Variants in SRSF2 observed in about 807,000 individuals in gnomAD.
SRSF2 encodes serine/arginine-rich splicing factor 2.
In SRSF2, 4 loss-of-function variants were observed where a neutral mutation model predicts 15.7. That is an observed-to-expected ratio of 0.26 (90% CI 0.13 to 0.58). SRSF2 has a LOEUF of 0.58. Ranked by LOEUF, SRSF2 falls within the 20% of genes least tolerant of loss-of-function variation. The pLI is 0.90. For synonymous variants in SRSF2, 192 were observed against 138.9 expected (o/e 1.38, Z -2.69); for missense variants, 147 against 332.4 (o/e 0.44, Z 4.34).
At chr17:76,735,553 A>G (rs2143909248) in intron 2 of SRSF2, 1 of 230,792 alleles carries the variant, frequency 4.3e-6, no homozygotes, top group Non-Finnish European at 8.6e-6. Context: ...TTTCCTTTTT[A>G]AAAAATAGGA....
At chr17:76,737,387 G>C, upstream of SRSF2, 1 of 513,186 alleles carries the variant, frequency 1.9e-6, no homozygotes, top group Non-Finnish European at 3.3e-6. Context: ...AATGGCGCCC[G>C]CGCCACCCGG....
intron 1 of SRSF2, 80 bp from the exon 2 acceptor site, chr17:76,736,544 C>T (rs757305177): frequency 2.0e-6 from 3 of 1,464,618 alleles, no homozygotes; most frequent in African/African-American, 1.4e-5. Context: ...CCGCCCAGGC[C>T]GCCATTATCT....
chr17:76,736,650 C>G (rs535244752), intron 1 of SRSF2, 149 bp downstream of exon 1: 13 of 1,186,824 alleles, frequency 1.1e-5, no homozygotes, highest in African/African-American at 4.8e-5. Flanking sequence ...GGCGGAAGCT[C>G]GCGGGGTGGC....
At chr17:76,737,346 C>T (rs1031286974), upstream of SRSF2, 24 of 733,284 alleles carry the variant, frequency 3.3e-5, no homozygotes, top group South Asian at 9.2e-5. Context: ...GGGCAGCCGG[C>T]CTCTGCGCCC....
Position 76,737,131 on chromosome 17 carries a change from C to T in SRSF2, c.30G>A (p.Val10=), listed in dbSNP as rs774991189. The change falls in exon 1 of 3, where the codon GTG becomes GTA. Residue 10 remains valine (V), a synonymous_variant. Coordinates refer to ENST00000359995, the MANE Select transcript of SRSF2 (RefSeq NM_001195427.2). MSYGRPPPD[V]EGMTSLKVDN... Reference sequence around the variant, plus strand: ...CCACCTTGAGGGAGGTCATACCCTCCACATCGGGAGGGGGGCGGCCGTAGC... The same window carrying T: ...CCACCTTGAGGGAGGTCATACCCTCTACATCGGGAGGGGGGCGGCCGTAGC... The T allele has an allele frequency of 1.9e-5, 31 of 1,596,228 alleles. No individual in the cohort carries two copies. In the Admixed American group the frequency reaches 2.6e-4, roughly 13 times the overall value.
chr17:76,734,622 CA>C lies in SRSF2; in HGVS notation c.*543del, dbSNP rs1259735006. The C allele has an allele frequency of 7.4e-5, 17 of 229,330 alleles. No individual in the cohort carries two copies. 14.2% of individuals were successfully genotyped at this position (229,330 alleles called of 1,614,324 possible). A position where few individuals can be genotyped will look rare whatever the true frequency, so the allele number is the denominator to read the frequency against. On this transcript the variant is annotated 3_prime_UTR_variant, in exon 3 of 3. Transcript: ENST00000359995. ...AATTGTGTTTGATAAACAATCCTTT[CA>C]AAAAATCAAGTCTTTTCACCTGAAA...
chr17:76,737,107 C>T lies in SRSF2; in HGVS notation c.54G>A (p.Val18=), dbSNP rs1230550019. The change falls in exon 1 of 3, where the codon GTG becomes GTA. Residue 18 remains valine, a synonymous_variant. Transcript: ENST00000359995. ...PDVEGMTSLK[V]DNLTYRTSPD... Reference sequence around the variant, plus strand: ...GCGAGGTGCGGTAGGTCAGGTTGTCCACCTTGAGGGAGGTCATACCCTCCA... The same window carrying T: ...GCGAGGTGCGGTAGGTCAGGTTGTCTACCTTGAGGGAGGTCATACCCTCCA... 1 of 1,609,992 alleles carries T rather than the reference C, an allele frequency of 6.2e-7. No homozygotes were observed.
At chr17:76,736,096 C>G (rs1000409899) in intron 2 of SRSF2, 58 bp downstream of exon 2, 19 of 1,502,092 alleles carry the variant, frequency 1.3e-5, no homozygotes, top group African/African-American at 2.8e-5. Context: ...CTCAAAAAGA[C>G]CTACCCCAAA....
In SRSF2 at chr17:76,736,257, C is replaced by A. The variant is rs1255491194; in HGVS notation, c.570G>T (p.Arg190Ser). 1 of 1,614,184 alleles carries A rather than the reference C, an allele frequency of 6.2e-7. No individual in the cohort carries two copies. The highest frequency in any genetic ancestry group is 1.7e-5 in the Admixed American group (1 of 60,032). ...CCCTCTTGGACACTGGGGGAGGACT[C>A]CTGGACCGAGACCGGGACCTGGACC... Reference protein sequence around the residue: ...RSRSRSRSRSRSPPPVSKRES... With the variant: ...RSRSRSRSRSSSPPPVSKRES... Residue 190 changes from arginine to serine, a missense_variant, in exon 2 of 3, where the codon AGG (arginine) becomes AGT (serine). Around this residue, in one of 2 missense-constraint regions of SRSF2, gnomAD observed 125 missense variants for 185.1 expected, o/e 0.68. Coordinates refer to ENST00000359995, the MANE Select transcript of SRSF2 (RefSeq NM_001195427.2).
rs769436178 is a variant in SRSF2 at position 76,737,265 on chromosome 17, C to G, written c.-105G>C. On this transcript the variant is annotated 5_prime_UTR_variant, in exon 1 of 3. Coordinates refer to ENST00000359995, the MANE Select transcript of SRSF2 (RefSeq NM_001195427.2). ...GGCAGTTGCCTTCCGCGTGGGGACA[C>G]TGGGAAAGGCCTTGCCGCAGAACAG... 23 of 1,414,072 alleles carry G rather than the reference C, an allele frequency of 1.6e-5. No homozygotes were observed. The East Asian group carries it at 2.8e-4, about 17-fold the overall frequency. The allele number at this position is 1,414,072 out of a possible 1,614,324, so 87.6% of individuals were successfully genotyped here.
upstream of SRSF2, chr17:76,737,398 A>C (rs1158325120): frequency 1.9e-5 from 9 of 478,484 alleles, no homozygotes; most frequent in South Asian, 4.0e-5. Flanking sequence ...CGCCACCCGG[A>C]AATGAAACCT....
rs1334584351 is a variant in SRSF2, at chr17:76,736,310, A to T, written c.517T>A (p.Ser173Thr). The stretch of plus-strand genomic sequence containing the variant: ...GAACGAGATCTGGAGACCGACGAGG[A>T]CTTGGACTTGGACCTTCGTGCGGAT... ...SRSARRSKSK[S>T]SSVSRSRSRS... Residue 173 changes from serine (S) to threonine (T), a missense_variant, in exon 2 of 3, where the codon TCC becomes ACC. By Grantham distance (58) the Ser-to-Thr change is moderately conservative. Coordinates refer to ENST00000359995, the MANE Select transcript of SRSF2 (RefSeq NM_001195427.2). 2.5e-6 allele frequency: 4 copies of T among 1,613,812 alleles called. No homozygotes were observed. The highest frequency in any genetic ancestry group is 3.4e-6 in the Non-Finnish European group (4 of 1,179,832).
In SRSF2 at chr17:76,736,441, CGGCTGCGGCGACGCCGCCTAG is replaced by C; in HGVS notation, c.365_385del (p.Pro122_Ser128del). The C allele has an allele frequency of 6.2e-7, 1 of 1,612,746 alleles. No homozygotes were observed. Among genetic ancestry groups the C allele is most frequent in the Non-Finnish European group, 8.5e-7 (1 of 1,179,968 alleles). The stretch of plus-strand genomic sequence containing the variant: ...CCTGGAACGACTCCGACTCCGGGAT[CGGCTGCGGCGACGCCGCCTAG>C]GGCTGCGGGCGGGACGAGCAAGCAC... On this transcript the variant is annotated inframe_deletion and splice_region_variant, in exon 2 of 3. Coordinates refer to ENST00000359995, the MANE Select transcript of SRSF2 (RefSeq NM_001195427.2).
chr17:76,736,498 A>G (rs2077477326), intron 1 of SRSF2, 34 bp from the exon 2 acceptor site: 1 of 1,597,564 alleles, frequency 6.3e-7, no homozygotes, highest in South Asian at 1.1e-5. Flanking sequence ...AGCGGGGTTA[A>G]TTCCAGGCAG....
At chr17:76,736,581 G>C in intron 1 of SRSF2, 117 bp from the exon 2 acceptor site, 12 of 1,267,968 alleles carry the variant, frequency 9.5e-6, no homozygotes, top group Non-Finnish European at 1.3e-5. Context: ...TTCCCCAGTC[G>C]CGAGGCGGGG....
At position 76,736,454 on chromosome 17, in the gene SRSF2, G is replaced by A; in HGVS notation, c.373C>T (p.Arg125Cys). Residue 125 changes from arginine to cysteine, a missense_variant, in exon 2 of 3, where the codon CGT becomes TGT. Coordinates refer to ENST00000359995, the MANE Select transcript of SRSF2 (RefSeq NM_001195427.2). ...CGACTCCGGGATCGGCTGCGGCGAC[G>A]CCGCCTAGGGCTGCGGGCGGGACGA... ...YGRRSRSPRR[R>C]RRSRSRSRSR... is the part of the protein sequence containing the mutation. 5 of 1,611,392 alleles carry A rather than the reference G, an allele frequency of 3.1e-6. No individual in the cohort carries two copies. Among genetic ancestry groups the A allele is most frequent in the Non-Finnish European group, 4.2e-6 (5 of 1,179,772 alleles).
At chr17:76,735,297 CCAATTAGGAAAATTTCACAAAGG>C (rs2077404820) in intron 2 of SRSF2, 139 bp from the exon 3 acceptor site, 1 of 216,824 alleles carries the variant, frequency 4.6e-6, no homozygotes, top group African/African-American at 2.3e-5. Context: ...TTTAAAAGGC[CCAATTAGGAAAATTTCACAAAGG>C]CTACCATCAG....
In SRSF2 at chr17:76,736,591, G is replaced by A. The variant is rs762261079; in HGVS notation, c.363-127C>T. 1.1e-5 allele frequency: 13 copies of A among 1,236,714 alleles called. No individual in the cohort carries two copies. In the African/African-American group the frequency reaches 1.4e-4, roughly 14 times the overall value. The allele number at this position is 1,236,714 out of a possible 1,614,324, so 76.6% of individuals were successfully genotyped here. ...GCCATTTCCCCAGTCGCGAGGCGGGGTCCTCCGCCCCGCGCCGCCCACACC... is the reference window on the plus strand; with the variant it reads ...GCCATTTCCCCAGTCGCGAGGCGGGATCCTCCGCCCCGCGCCGCCCACACC... On this transcript the variant is annotated intron_variant, in intron 1 of 2. Transcript: ENST00000359995.
Position 76,736,873 on chromosome 17 carries a change from C to T in SRSF2, c.288G>A (p.Pro96=), listed in dbSNP as rs1050014392. ...GTCCCCGGCGGCTGTGGTGTGAGTC[C>T]GGGGGGCGGCCGTAGCGCGCCATTT... ...RVQMARYGRP[P]DSHHSRRGPP... Residue 96 remains proline, a synonymous_variant, in exon 1 of 3, where the codon CCG becomes CCA. Transcript: ENST00000359995. 6 of 1,610,874 alleles carry T rather than the reference C, an allele frequency of 3.7e-6. No individual in the cohort carries two copies. Among genetic ancestry groups the T allele is most frequent in the South Asian group, 2.2e-5 (2 of 90,980 alleles).
Sources: allele counts gnomAD v4.1 joint callset, GRCh38; gene constraint gnomAD v4.1.1; regional missense constraint gnomAD v4.1.1; transcripts MANE v1.5; gene names NCBI Gene and HGNC (gene_info 2026-07-23, HGNC 2026-07-21).